Variants in FEZ2 observed in about 807,000 individuals in gnomAD.
The protein encoded by FEZ2 is fasciculation and elongation protein zeta-2.
FEZ2 carries 51 observed loss-of-function variants against 40.4 expected under a neutral mutation model. That is an observed-to-expected ratio of 1.26 (90% CI 1.01 to 1.59). FEZ2 has a LOEUF of 1.59. Ranked by LOEUF, FEZ2 falls within the 40% of genes most tolerant of loss-of-function variation. The pLI is 0.00. For synonymous variants in FEZ2, 242 were observed against 172.0 expected (o/e 1.41, Z -3.18); for missense variants, 640 against 438.3 (o/e 1.46, Z -4.11).
chr2:36,561,851 G>T (rs1668100950), intron 5 of FEZ2, among the ~76,000 whole-genome samples: 1 of 152,148 alleles, frequency 6.6e-6, no homozygotes, highest in African/African-American at 2.4e-5. Context: ...GGCCCCAAGG[G>T]GCAGAAGAAA....
rs182056244 is a variant in FEZ2 at position 36,571,600 on chromosome 2, G to A, written c.903+6997C>T. 3.1e-3 allele frequency among the ~76,000 whole-genome samples: 472 copies of A among 151,500 alleles called. 7 individuals are homozygous for A. The highest frequency in any genetic ancestry group is 0.011 in the African/African-American group (447 of 41,268). On this transcript the variant is annotated intron_variant, in intron 5 of 7. Transcript: ENST00000405912. ...AACCCAGGAGGTAGAGGCTGCAGTGGGCCCAGATGGCACCACTGCACTCCA... is the reference window on the plus strand; with the variant it reads ...AACCCAGGAGGTAGAGGCTGCAGTGAGCCCAGATGGCACCACTGCACTCCA...
At chr2:36,568,981 T>C (rs1668331014) in intron 5 of FEZ2, among the ~76,000 whole-genome samples, 1 of 152,144 alleles carries the variant, frequency 6.6e-6, no homozygotes, top group South Asian at 2.1e-4. Context: ...ATTTACAACA[T>C]CCTTGCAAAG....
chr2:36,575,915 A>C (rs929182558), intron 5 of FEZ2, among the ~76,000 whole-genome samples: 2 of 152,202 alleles, frequency 1.3e-5, no homozygotes, highest in Non-Finnish European at 2.9e-5. Context: ...AAGCTATTCT[A>C]TACTTAACGA....
At chr2:36,574,472 G>A (rs1279153853) in intron 5 of FEZ2, among the ~76,000 whole-genome samples, 1 of 151,660 alleles carries the variant, frequency 6.6e-6, no homozygotes, top group African/African-American at 2.4e-5. Context: ...AACAGAGATA[G>A]GCATGAAAAC....
chr2:36,552,281 T>A lies in FEZ2; in HGVS notation c.*882A>T. ...TATTTTTACTTCTTAAAAAATTTATTAAATGCCATTGATTTGACTGGAACC... is the reference window on the plus strand; with the variant it reads ...TATTTTTACTTCTTAAAAAATTTATAAAATGCCATTGATTTGACTGGAACC... On this transcript the variant is annotated 3_prime_UTR_variant, in exon 8 of 8. Transcript: ENST00000405912. 2.2e-6 allele frequency: 1 copy of A among 445,302 alleles called. No homozygotes were observed. The highest frequency in any genetic ancestry group is 7.0e-5 in the East Asian group (1 of 14,278). The allele number at this position is 445,302 out of a possible 1,614,324, so 27.6% of individuals were successfully genotyped here.
intron 2 of FEZ2, among the ~76,000 whole-genome samples, chr2:36,585,741 T>C (rs1668881846): frequency 1.3e-5 from 2 of 152,140 alleles, no homozygotes; most frequent in African/African-American, 4.8e-5. Context: ...ATGATGAAGA[T>C]TAATTCAACC....
At position 36,581,358 on chromosome 2, in the gene FEZ2, T is replaced by TCTGA. The variant is rs1668741870; in HGVS notation, c.562_565dup (p.Asp189ValfsTer18). The TCTGA allele has an allele frequency of 6.2e-7, 1 of 1,613,598 alleles. No individual in the cohort carries two copies. The highest frequency in any genetic ancestry group is 8.5e-7 in the Non-Finnish European group (1 of 1,179,514). On this transcript the variant is annotated frameshift_variant, in exon 4 of 8. Transcript: ENST00000405912. LOFTEE classifies it high-confidence loss of function. Reference sequence around the variant, plus strand: ...TTCCTGGGAAAGCATTGAAAGCCGATCTGACTGTGTAGGGGTTTCATCATC... The same window carrying TCTGA: ...TTCCTGGGAAAGCATTGAAAGCCGATCTGACTGACTGTGTAGGGGTTTCATCATC...
Position 36,553,075 on chromosome 2 carries a change from C to T in FEZ2, c.*88G>A. ...CCCAAGTTCAAATGTGCTGAGTTTCCAATAGCAAGAAGGGTAATGGTAGCC... is the reference window on the plus strand; with the variant it reads ...CCCAAGTTCAAATGTGCTGAGTTTCTAATAGCAAGAAGGGTAATGGTAGCC... On this transcript the variant is annotated 3_prime_UTR_variant, in exon 8 of 8. Transcript: ENST00000405912. 1.8e-6 allele frequency: 2 copies of T among 1,095,428 alleles called. No individual in the cohort carries two copies. The highest frequency in any genetic ancestry group is 2.7e-6 in the Non-Finnish European group (2 of 742,594). 67.9% of individuals were successfully genotyped at this position (1,095,428 alleles called of 1,614,324 possible).
intron 2 of FEZ2, among the ~76,000 whole-genome samples, chr2:36,584,719 A>G (rs745879110): frequency 1.3e-5 from 2 of 152,242 alleles, no homozygotes; most frequent in Non-Finnish European, 2.9e-5. Context: ...ATCCATGCAG[A>G]GGATATATGT....
At chr2:36,570,139 A>G (rs1340377884) in intron 5 of FEZ2, among the ~76,000 whole-genome samples, 1 of 152,090 alleles carries the variant, frequency 6.6e-6, no homozygotes. Context: ...TTAAGATGTA[A>G]AAGTAATATC....
chr2:36,579,526 G>A (rs1440209877), intron 4 of FEZ2, among the ~76,000 whole-genome samples: 3 of 151,892 alleles, frequency 2.0e-5, no homozygotes, highest in Admixed American at 2.0e-4. Context: ...ATGAGACCTG[G>A]TTGTTTAAAA....
chr2:36,593,899 C>G (rs1291207230), intron 1 of FEZ2, among the ~76,000 whole-genome samples: 1 of 151,314 alleles, frequency 6.6e-6, no homozygotes, highest in African/African-American at 2.4e-5. Flanking sequence ...CTTTTATGCT[C>G]TGCTTCCCTT....
At chr2:36,563,882 T>TG (rs1477925741) in intron 5 of FEZ2, among the ~76,000 whole-genome samples, 1 of 152,160 alleles carries the variant, frequency 6.6e-6, no homozygotes, top group Non-Finnish European at 1.5e-5. Flanking sequence ...CCAACCCTCC[T>TG]GCTCTCTAGT....
At chr2:36,596,440 T>C (rs528702651) in intron 1 of FEZ2, among the ~76,000 whole-genome samples, 9 of 152,280 alleles carry the variant, frequency 5.9e-5, no homozygotes, top group Non-Finnish European at 1.2e-4. Flanking sequence ...CCATCAATGC[T>C]CTGAAAATCC....
chr2:36,556,430 G>A (rs75039219), intron 6 of FEZ2: 2 of 152,692 alleles, frequency 1.3e-5, no homozygotes, highest in Non-Finnish European at 2.9e-5. Flanking sequence ...CATTCAGGTT[G>A]AGATAAACTC....
intron 5 of FEZ2, among the ~76,000 whole-genome samples, chr2:36,574,319 C>T (rs538052127): frequency 6.6e-6 from 1 of 152,274 alleles, no homozygotes; most frequent in South Asian, 2.1e-4. Context: ...TGACACCTGG[C>T]AGAAAGATCC....
intron 4 of FEZ2, among the ~76,000 whole-genome samples, chr2:36,581,028 TG>T (rs1161822022): frequency 3.3e-5 from 5 of 152,170 alleles, no homozygotes; most frequent in Non-Finnish European, 7.3e-5. Context: ...GGCGGGCACC[TG>T]TAATCCTAGC....
chr2:36,578,809 C>T lies in FEZ2; in HGVS notation c.691G>A (p.Ala231Thr), dbSNP rs1668651970. 6.2e-7 allele frequency: 1 copy of T among 1,613,500 alleles called. No individual in the cohort carries two copies. The highest frequency in any genetic ancestry group is 1.7e-5 in the Admixed American group (1 of 59,976). Residue 231 changes from alanine to threonine, a missense_variant, in exon 5 of 8, where the codon GCC becomes ACC. Physicochemically the swap from Ala to Thr is moderately conservative, Grantham distance 58. Coordinates refer to ENST00000405912, the MANE Select transcript of FEZ2 (RefSeq NM_005102.3). ...AGCTCCTCAGAGTACTCCTTAATGG[C>T]AGTCTCAATTTCTTCCAGGATTTCA... ...LNEILEEIETAIKEYSEELVQ... is the reference protein window; with the variant it reads ...LNEILEEIETTIKEYSEELVQ...
At chr2:36,595,673 T>C (rs1015529455) in intron 1 of FEZ2, among the ~76,000 whole-genome samples, 1 of 152,124 alleles carries the variant, frequency 6.6e-6, no homozygotes, top group Non-Finnish European at 1.5e-5. Context: ...CAATTATATC[T>C]AGTGAAAAGG....
Sources: allele counts gnomAD v4.1 joint callset (sites outside exome capture counted in the v4.1 genomes callset), GRCh38; gene constraint gnomAD v4.1.1; transcripts MANE v1.5; gene names NCBI Gene and HGNC (gene_info 2026-07-23, HGNC 2026-07-21).